The following DNAI3 variants were observed in gnomAD, a reference collection of about 807,000 sequenced individuals.
DNAI3 encodes the protein WD repeat domain 63.
In DNAI3, 83 loss-of-function variants were observed where a neutral mutation model predicts 115.5. The ratio of observed to expected loss-of-function variants is 0.72; its 90% CI spans 0.60 to 0.86. The LOEUF is 0.86. Among genes scored for constraint, DNAI3 ranks in the 40% least tolerant of loss-of-function variants. The pLI, the probability that DNAI3 is intolerant of heterozygous loss-of-function variation, is 0.00. For missense variants in DNAI3, 1,004 were observed against 1,075.8 expected, an observed-to-expected ratio of 0.93 and a Z score of 0.93; for synonymous variants, 320 against 347.0, an observed-to-expected ratio of 0.92 and a Z score of 0.86.
chr1:85,096,802 C>A lies in DNAI3; in HGVS notation c.1264-767C>A, dbSNP rs993027038. On this transcript the variant is annotated intron_variant, in intron 11 of 22. Transcript: ENST00000294664. ...GTCCATTTATCCAGAACCAAAATAA[C>A]CAGGAAAACAATTTTTTCTCCCTCA... Among the ~76,000 whole-genome samples, 8 of 152,040 alleles carry A rather than the reference C, an allele frequency of 5.3e-5. No homozygotes were observed. In the South Asian group the frequency reaches 1.7e-3, roughly 32 times the overall value.
At position 85,121,806 on chromosome 1, in the gene DNAI3, G is replaced by A. The variant is rs141934700; in HGVS notation, c.1973G>A (p.Arg658Gln). 8.7e-6 allele frequency: 14 copies of A among 1,614,056 alleles called. No individual in the cohort carries two copies. The highest frequency in any genetic ancestry group is 2.7e-5 in the African/African-American group (2 of 75,028). ...ATGGAAAAAGACCCTGAAACTGGCCGACTTATGTGTAAGTTTTGTGATTGC... is the reference window on the plus strand; with the variant it reads ...ATGGAAAAAGACCCTGAAACTGGCCAACTTATGTGTAAGTTTTGTGATTGC... ...WKMEKDPETG[R>Q]LMSKKPVSHH... The change falls in exon 18 of 23, where the codon CGA becomes CAA. Residue 658 changes from arginine (R) to glutamine (Q), a missense_variant. This residue lies in a region of DNAI3 where 429 missense variants were observed against 454.3 expected (regional missense o/e 0.94). Transcript: ENST00000294664.
intron 1 of DNAI3, among the ~76,000 whole-genome samples, chr1:85,066,312 C>CTTT (rs1367226003): frequency 8.8e-4 from 54 of 61,698 alleles, no homozygotes; most frequent in African/African-American, 1.0e-3. Context: ...TCTTCTGCTA[C>CTTT]TCTTTTTTTT....
chr1:85,111,168 C>T lies in DNAI3; in HGVS notation c.1786+1033C>T, dbSNP rs1322105454. Among the ~76,000 whole-genome samples the T allele has an allele frequency of 2.6e-5, 4 of 152,290 alleles. No homozygotes were observed. The East Asian group carries it at 5.8e-4, about 22-fold the overall frequency. On this transcript the variant is annotated intron_variant, in intron 16 of 22. Coordinates refer to ENST00000294664, the MANE Select transcript of DNAI3 (RefSeq NM_145172.5). ...CTAAGAAAAACACATACCTAATACC[C>T]AGCTTGAGCAAAATTTCACTTTGAA... is the stretch of plus-strand genomic sequence containing the variant.
At chr1:85,097,786 C>T in intron 12 of DNAI3, 131 bp downstream of exon 12, 1 of 800,190 alleles carries the variant, frequency 1.2e-6, no homozygotes, top group Non-Finnish European at 1.9e-6. Context: ...TGTTATTTCC[C>T]AAGCCTTCAC....
At chr1:85,121,122 C>G (rs1449159824) in intron 17 of DNAI3, among the ~76,000 whole-genome samples, 1 of 152,184 alleles carries the variant, frequency 6.6e-6, no homozygotes, top group East Asian at 1.9e-4. Flanking sequence ...TTTCTGTAAA[C>G]TTCTCCCACC....
intron 11 of DNAI3, among the ~76,000 whole-genome samples, chr1:85,096,604 C>A (rs1377102522): frequency 6.6e-6 from 1 of 151,398 alleles, no homozygotes; most frequent in African/African-American, 2.4e-5. Flanking sequence ...TAGATCCTAT[C>A]CTCCAATATC....
In DNAI3 at chr1:85,084,674, A is replaced by G; in HGVS notation, c.519A>G (p.Ser173=). ...GTGAAAAAGAAATTGAGGAAGAATC[A>G]GTTACGGAATCTACAAAGCAGGTTA... ...LGSEKEIEEE[S]VTESTKQITY... Residue 173 remains serine (S), a synonymous_variant, in exon 6 of 23, where the codon TCA becomes TCG. Coordinates refer to ENST00000294664, the MANE Select transcript of DNAI3 (RefSeq NM_145172.5). 6.5e-7 allele frequency: 1 copy of G among 1,535,780 alleles called. No individual in the cohort carries two copies. Among genetic ancestry groups the G allele is most frequent in the Non-Finnish European group, 8.8e-7 (1 of 1,140,454 alleles).
intron 7 of DNAI3, among the ~76,000 whole-genome samples, chr1:85,087,434 C>CAAAAAAAAAAAAAAAAAAAAAAAAA (rs1162431713): frequency 2.1e-5 from 1 of 46,654 alleles, no homozygotes; most frequent in Non-Finnish European, 3.7e-5. Context: ...GACTCCATCT[C>CAAAAAAAAAAAAAAAAAAAAAAAAA]AAAAAAAAAA....
At chr1:85,082,126 G>A (rs7542253) in intron 4 of DNAI3, among the ~76,000 whole-genome samples, 174 bp from the exon 5 acceptor site, 90,623 of 152,052 alleles carry the variant, frequency 0.6, 27,005 homozygotes, top group Non-Finnish European at 0.6. Flanking sequence ...ATGTTTTTAA[G>A]AGCTTTTTAA....
chr1:85,117,952 C>A, intron 17 of DNAI3, 93 bp downstream of exon 17: 1 of 1,415,972 alleles, frequency 7.1e-7, no homozygotes. Flanking sequence ...TGTGTAAAGA[C>A]ATAAAAGTTA....
At position 85,117,975 on chromosome 1, in the gene DNAI3, A is replaced by G. The variant is rs750411675; in HGVS notation, c.1917+116A>G. 9.7e-5 allele frequency: 121 copies of G among 1,243,682 alleles called. No individual in the cohort carries two copies. The African/African-American group carries it at 1.7e-3, about 17-fold the overall frequency. The allele number at this position is 1,243,682 out of a possible 1,614,324, so 77.0% of individuals were successfully genotyped here. A position where few individuals can be genotyped will look rare whatever the true frequency, so the allele number is the denominator to read the frequency against. On this transcript the variant is annotated intron_variant, in intron 17 of 22. Coordinates refer to ENST00000294664, the MANE Select transcript of DNAI3 (RefSeq NM_145172.5). ...GACATAAAAGTTATACCATTTTCAT[A>G]TTTTAGTATGCTTGTTTGCATTAAA...
chr1:85,080,273 G>A (rs779464473), intron 3 of DNAI3, among the ~76,000 whole-genome samples: 1 of 151,862 alleles, frequency 6.6e-6, no homozygotes, highest in Non-Finnish European at 1.5e-5. Context: ...GGATGGTCTC[G>A]ATCTCCTGAC....
chr1:85,112,373 A>G (rs901308988), intron 16 of DNAI3, among the ~76,000 whole-genome samples: 4 of 152,238 alleles, frequency 2.6e-5, no homozygotes, highest in Non-Finnish European at 4.4e-5. Flanking sequence ...GCGTAGACCT[A>G]TTACAAATAA....
intron 2 of DNAI3, among the ~76,000 whole-genome samples, chr1:85,072,804 A>C (rs1309784146): frequency 6.6e-6 from 1 of 151,068 alleles, no homozygotes; most frequent in African/African-American, 2.4e-5. Flanking sequence ...AAATACAAAA[A>C]ATTAGCCGGG....
At position 85,109,066 on chromosome 1, in the gene DNAI3, G is replaced by A. The variant is rs118044797; in HGVS notation, c.1698+889G>A. Among the ~76,000 whole-genome samples the A allele has an allele frequency of 2.0e-3, 304 of 152,266 alleles. 5 individuals carry two copies. The East Asian group carries it at 0.037, about 18-fold the overall frequency. On this transcript the variant is annotated intron_variant, in intron 15 of 22. Coordinates refer to ENST00000294664, the MANE Select transcript of DNAI3 (RefSeq NM_145172.5). ...TACGTTTTTTGGGATATTAGACCAC[G>A]GAAAGCTTGATAATACCTATGACCA...
rs763228372 is a variant in DNAI3, at chr1:85,093,471, C to G, written c.871C>G (p.Leu291Val). 2 of 1,613,728 alleles carry G rather than the reference C, an allele frequency of 1.2e-6. No individual in the cohort carries two copies. Among genetic ancestry groups the G allele is most frequent in the Non-Finnish European group, 8.5e-7 (1 of 1,179,930 alleles). The change falls in exon 9 of 23, where the codon CTG (leucine) becomes GTG (valine). Residue 291 changes from leucine to valine, a missense_variant. By Grantham distance (32) the Leu-to-Val change is conservative. Transcript: ENST00000294664. ...NNASISVEIA[L>V]QQNEIMNTFI... ...TTTACAAATTAGTGTTGAAATAGCC[C>G]TGCAGCAAAATGAAATCATGAACAC...
intron 3 of DNAI3, among the ~76,000 whole-genome samples, chr1:85,077,921 A>G (rs1439249454): frequency 6.6e-6 from 1 of 152,198 alleles, no homozygotes; most frequent in Non-Finnish European, 1.5e-5. Flanking sequence ...GAGTTGTTTT[A>G]AACAACGCTC....
At chr1:85,072,199 G>A (rs540449813) in intron 2 of DNAI3, among the ~76,000 whole-genome samples, 194 bp downstream of exon 2, 57 of 152,158 alleles carry the variant, frequency 3.7e-4, no homozygotes, top group Non-Finnish European at 8.1e-4. Flanking sequence ...AATTAGATGC[G>A]ATATAATGAA....
chr1:85,095,538 C>T (rs987183101), intron 10 of DNAI3, among the ~76,000 whole-genome samples: 14 of 152,170 alleles, frequency 9.2e-5, no homozygotes, highest in Admixed American at 4.6e-4. Flanking sequence ...GTGCCTGGCT[C>T]AGTATTCAGC....
Sources: gnomAD v4.1 joint callset for allele counts (sites outside exome capture counted in the v4.1 genomes callset) on GRCh38, gnomAD v4.1.1 for gene constraint, gnomAD v4.1.1 regional missense constraint, MANE v1.5 for transcripts, NCBI Gene and HGNC (gene_info 2026-07-23, HGNC 2026-07-21) for gene names.